The following ZNF804B variants were observed in gnomAD, a reference collection of about 807,000 sequenced individuals.
The protein encoded by ZNF804B is zinc finger 804B.
In ZNF804B, 80 loss-of-function variants were observed where a neutral mutation model predicts 101.4. The ratio of observed to expected loss-of-function variants is 0.79; its 90% confidence interval spans 0.66 to 0.95. The LOEUF is 0.95. Among genes scored for constraint, ZNF804B ranks in the 40% least tolerant of loss-of-function variants. The probability of loss-of-function intolerance (pLI) is 0.00; values close to 1 mark genes in which losing one functional copy is unlikely to be tolerated. For missense variants in ZNF804B, 1,673 were observed against 1,561.9 expected (o/e 1.07, Z -1.20); for synonymous variants, 622 against 558.8 (o/e 1.11, Z -1.59).
At chr7:88,841,029 T>C (rs546831473) in intron 1 of ZNF804B, among the ~76,000 whole-genome samples, 2 of 152,326 alleles carry the variant, frequency 1.3e-5, no homozygotes, top group African/African-American at 4.8e-5. Context: ...ACTAGAGATA[T>C]TCTATTACAC....
chr7:89,176,034 T>C (rs572506022), intron 1 of ZNF804B, among the ~76,000 whole-genome samples: 36 of 152,042 alleles, frequency 2.4e-4, no homozygotes, highest in Non-Finnish European at 4.0e-4. Context: ...CTATCAAGTT[T>C]GGAGGCTCTC....
intron 1 of ZNF804B, among the ~76,000 whole-genome samples, chr7:89,055,201 T>C (rs915703280): frequency 6.6e-6 from 1 of 152,022 alleles, no homozygotes; most frequent in South Asian, 2.1e-4. Context: ...GGAAGAATCC[T>C]TCTGAGGAAA....
rs1367802560 is a variant in ZNF804B, at chr7:89,197,364, G to A, written c.109-20791G>A. Among the ~76,000 whole-genome samples, 3 of 151,854 alleles carry A rather than the reference G, an allele frequency of 2.0e-5. No homozygotes were observed. In the East Asian group the frequency reaches 5.8e-4, roughly 29 times the overall value. ...TATGCGTTGCCACAAAAATCTGACA[G>A]GAAGAAAATAAAAAGCAGATGCAAA... On this transcript the variant is annotated intron_variant, in intron 1 of 3. Transcript: ENST00000333190.
At chr7:89,292,894 A>G (rs2115901041) in intron 2 of ZNF804B, among the ~76,000 whole-genome samples, 1 of 152,148 alleles carries the variant, frequency 6.6e-6, no homozygotes, top group Non-Finnish European at 1.5e-5. Flanking sequence ...CTCAGGAACA[A>G]ATTTAACCAA....
chr7:89,169,258 G>C (rs1383102436), intron 1 of ZNF804B, among the ~76,000 whole-genome samples: 1 of 152,142 alleles, frequency 6.6e-6, no homozygotes, highest in Non-Finnish European at 1.5e-5. Context: ...GTGTACACTT[G>C]CAAGATTTAA....
At chr7:88,972,199 A>G (rs1306970691) in intron 1 of ZNF804B, among the ~76,000 whole-genome samples, 2 of 151,500 alleles carry the variant, frequency 1.3e-5, no homozygotes, top group Admixed American at 6.6e-5. Context: ...CCATCTTTCA[A>G]TGACTTGTAC....
rs937726880 is a variant in ZNF804B at position 89,333,724 on chromosome 7, T to C, written c.742T>C (p.Cys248Arg). Residue 248 changes from cysteine (C) to arginine (R), a missense_variant, in exon 4 of 4, where the codon TGT becomes CGT. Transcript: ENST00000333190. Reference protein sequence around the residue: ...FSENTEETHDCNKSPIYKTKQ... With the variant: ...FSENTEETHDRNKSPIYKTKQ... Reference sequence around the variant, plus strand: ...TGAGAACACAGAAGAAACCCATGATTGTAACAAGTCACCCATTTATAAAAC... The same window carrying C: ...TGAGAACACAGAAGAAACCCATGATCGTAACAAGTCACCCATTTATAAAAC... The C allele has an allele frequency of 6.2e-7, 1 of 1,613,602 alleles. No homozygotes were observed. The highest frequency in any genetic ancestry group is 8.5e-7 in the Non-Finnish European group (1 of 1,179,764).
rs557388699 is a variant in ZNF804B, at chr7:88,853,979, A to G, written c.108+93895A>G. ...TTTAGCACATTGTTTAAAAACCACA[A>G]ATTCCATAAAGAAAATATTTCAAGT... is the stretch of plus-strand genomic sequence containing the variant. On this transcript the variant is annotated intron_variant, in intron 1 of 3. Coordinates refer to ENST00000333190, the MANE Select transcript of ZNF804B (RefSeq NM_181646.5). Among the ~76,000 whole-genome samples the G allele has an allele frequency of 1.1e-4, 17 of 152,176 alleles. 1 individual carries two copies. The highest frequency in any genetic ancestry group is 2.5e-4 in the Non-Finnish European group (17 of 68,006).
intron 1 of ZNF804B, among the ~76,000 whole-genome samples, chr7:89,156,650 A>T (rs1195623725): frequency 6.6e-6 from 1 of 151,980 alleles, no homozygotes; most frequent in Non-Finnish European, 1.5e-5. Context: ...CTATATATTT[A>T]CAGAAACTGA....
chr7:89,225,191 G>C lies in ZNF804B; in HGVS notation c.249+6896G>C, dbSNP rs544604819. On this transcript the variant is annotated intron_variant, in intron 2 of 3. Coordinates refer to ENST00000333190, the MANE Select transcript of ZNF804B (RefSeq NM_181646.5). Reference sequence around the variant, plus strand: ...AATGTCCTGTTGCCACTATCAGTGGGGGTGTACCTTGTAATGGCCAGAGCC... The same window carrying C: ...AATGTCCTGTTGCCACTATCAGTGGCGGTGTACCTTGTAATGGCCAGAGCC... Among the ~76,000 whole-genome samples the C allele has an allele frequency of 9.0e-4, 137 of 152,142 alleles. 1 individual carries two copies. In the Middle Eastern group the frequency reaches 0.01, roughly 11 times the overall value.
At chr7:88,805,229 A>G (rs1178034389) in intron 1 of ZNF804B, among the ~76,000 whole-genome samples, 1 of 152,186 alleles carries the variant, frequency 6.6e-6, no homozygotes, top group African/African-American at 2.4e-5. Flanking sequence ...CAAATATGCA[A>G]TGAGGGTCTA....
At chr7:89,257,338 T>TAAA (rs997012845) in intron 2 of ZNF804B, among the ~76,000 whole-genome samples, 1 of 152,170 alleles carries the variant, frequency 6.6e-6, no homozygotes, top group African/African-American at 2.4e-5. Flanking sequence ...TGTTCCTTCA[T>TAAA]AAAATACTAT....
intron 1 of ZNF804B, among the ~76,000 whole-genome samples, chr7:89,118,449 ATCT>A (rs1790349251): frequency 6.6e-6 from 1 of 152,168 alleles, no homozygotes; most frequent in Non-Finnish European, 1.5e-5. Context: ...TTCAAAATCC[ATCT>A]TCTTTTAGAA....
rs555310337 is a variant in ZNF804B at position 89,239,246 on chromosome 7, G to C, written c.249+20951G>C. 5.1e-4 allele frequency among the ~76,000 whole-genome samples: 77 copies of C among 152,210 alleles called. 1 individual carries two copies. Among genetic ancestry groups the C allele is most frequent in the African/African-American group, 1.8e-3 (76 of 41,548 alleles). On this transcript the variant is annotated intron_variant, in intron 2 of 3. Coordinates refer to ENST00000333190, the MANE Select transcript of ZNF804B (RefSeq NM_181646.5). ...GAGGATGCCCAAACTGAATGGGACA[G>C]GTGTGTGGGTCAGCAGAGGGCACAC...
At chr7:88,781,071 T>C (rs751469552) in intron 1 of ZNF804B, among the ~76,000 whole-genome samples, 1 of 152,160 alleles carries the variant, frequency 6.6e-6, no homozygotes, top group Non-Finnish European at 1.5e-5. Context: ...CAAAACCCCA[T>C]AAAAGCGACA....
At chr7:89,276,042 A>AT (rs1459917000) in intron 2 of ZNF804B, among the ~76,000 whole-genome samples, 1 of 151,924 alleles carries the variant, frequency 6.6e-6, no homozygotes, top group African/African-American at 2.4e-5. Flanking sequence ...TCTGGAAGCC[A>AT]TTATCCTTAG....
intron 1 of ZNF804B, among the ~76,000 whole-genome samples, chr7:88,833,014 T>C (rs1226652997): frequency 6.6e-6 from 1 of 152,000 alleles, no homozygotes; most frequent in Middle Eastern, 3.2e-3. Flanking sequence ...GCAGTTTGAA[T>C]GGTCGTCTTC....
At chr7:89,127,341 T>C (rs906911728) in intron 1 of ZNF804B, among the ~76,000 whole-genome samples, 8 of 151,964 alleles carry the variant, frequency 5.3e-5, no homozygotes, top group African/African-American at 1.9e-4. Flanking sequence ...TCTTATAACA[T>C]TGGAAGAGCA....
At chr7:88,971,458 A>T (rs535258530) in intron 1 of ZNF804B, among the ~76,000 whole-genome samples, 5 of 151,632 alleles carry the variant, frequency 3.3e-5, no homozygotes, top group African/African-American at 1.2e-4. Context: ...CAGTTTGTAT[A>T]TATATTCTGT....
Sources: gnomAD v4.1 joint callset for allele counts (sites outside exome capture counted in the v4.1 genomes callset) on GRCh38, gnomAD v4.1.1 for gene constraint, MANE v1.5 for transcripts, NCBI Gene and HGNC (gene_info 2026-07-23, HGNC 2026-07-21) for gene names.